The following SYN3 variants were observed in gnomAD, a reference collection of about 807,000 sequenced individuals.
The protein encoded by SYN3 is synapsin III.
In SYN3, 35 loss-of-function variants were observed where a neutral mutation model predicts 65.8. That is an observed-to-expected ratio of 0.53 (90% CI 0.41 to 0.70). The LOEUF is 0.70. SYN3 is among the 30% of genes least tolerant of loss of function. SYN3 has a pLI of 0.00. For missense variants in SYN3, 680 were observed against 749.0 expected (o/e 0.91, Z 1.08); for synonymous variants, 270 against 292.9 (o/e 0.92, Z 0.80).
chr22:32,956,062 A>ATATATAT (rs58485646), intron 3 of SYN3, among the ~76,000 whole-genome samples: 2 of 144,918 alleles, frequency 1.4e-5, no homozygotes, highest in African/African-American at 2.6e-5. Context: ...ATATATATAT[A>ATATATAT]AAATCTCCTA....
At chr22:32,959,071 G>A (rs919500478) in intron 3 of SYN3, among the ~76,000 whole-genome samples, 1 of 152,042 alleles carries the variant, frequency 6.6e-6, no homozygotes, top group African/African-American at 2.4e-5. Context: ...TGGGTTGGCT[G>A]TGTTCCCACC....
intron 6 of SYN3, among the ~76,000 whole-genome samples, chr22:32,727,214 C>T (rs918223406): frequency 6.6e-6 from 1 of 152,162 alleles, no homozygotes; most frequent in Admixed American, 6.5e-5. Flanking sequence ...ATTCTGCCCC[C>T]ACTTATACGT....
At chr22:32,539,817 C>T (rs1054763081) in intron 8 of SYN3, among the ~76,000 whole-genome samples, 5 of 148,478 alleles carry the variant, frequency 3.4e-5, no homozygotes, top group Non-Finnish European at 7.4e-5. Context: ...GACAAGGTGT[C>T]GTCAATGTCA....
intron 7 of SYN3, among the ~76,000 whole-genome samples, chr22:32,585,344 C>T (rs949203726): frequency 1.3e-5 from 2 of 152,254 alleles, no homozygotes; most frequent in African/African-American, 2.4e-5. Context: ...TTTTCCCCAG[C>T]GCCAGTCTAA....
chr22:32,751,762 A>G (rs2045134199), intron 6 of SYN3, among the ~76,000 whole-genome samples: 1 of 152,188 alleles, frequency 6.6e-6, no homozygotes, highest in Admixed American at 6.5e-5. Flanking sequence ...AGGGGCTAAA[A>G]TGCTTAAACA....
At chr22:32,786,505 G>C (rs1415100932) in intron 6 of SYN3, among the ~76,000 whole-genome samples, 1 of 151,974 alleles carries the variant, frequency 6.6e-6, no homozygotes, top group Non-Finnish European at 1.5e-5. Context: ...TGGGACTACA[G>C]GTGCCCGCCA....
rs184928149 is a variant in SYN3 at position 32,518,605 on chromosome 22, T to C, written c.1319-271A>G. The C allele has an allele frequency of 8.6e-6, 5 of 578,616 alleles. No homozygotes were observed. In the Admixed American group the frequency reaches 9.6e-5, roughly 11 times the overall value. The allele number at this position is 578,616 out of a possible 1,614,324, so 35.8% of individuals were successfully genotyped here. A position where few individuals can be genotyped will look rare whatever the true frequency, so the allele number is the denominator to read the frequency against. ...TGTTGATAACATATGCTAAATATTA[T>C]ACTGCTGAACAAAATAGCTTAGAAT... On this transcript the variant is annotated intron_variant, in intron 12 of 13. Transcript: ENST00000358763.
chr22:32,610,290 C>A (rs980084470), intron 6 of SYN3, among the ~76,000 whole-genome samples: 5 of 151,768 alleles, frequency 3.3e-5, no homozygotes, highest in Non-Finnish European at 7.4e-5. Flanking sequence ...CCCTGCCCCC[C>A]CCAAAAAAAG....
chr22:33,033,880 C>G (rs73162089), intron 1 of SYN3, among the ~76,000 whole-genome samples: 21,088 of 152,064 alleles, frequency 0.14, 1,877 homozygotes, highest in Non-Finnish European at 0.19. Flanking sequence ...GTACAATGAT[C>G]ACAATTAAAA....
intron 6 of SYN3, among the ~76,000 whole-genome samples, chr22:32,624,868 A>G (rs1355250162): frequency 6.6e-6 from 1 of 152,192 alleles, no homozygotes; most frequent in Non-Finnish European, 1.5e-5. Context: ...CGCTAATTGT[A>G]CAAGGAGACT....
intron 6 of SYN3, among the ~76,000 whole-genome samples, chr22:32,771,096 C>T (rs561274610): frequency 4.1e-4 from 63 of 152,058 alleles, no homozygotes; most frequent in African/African-American, 1.5e-3. Flanking sequence ...GTGTGATGTT[C>T]CCCTCCCTGT....
At chr22:32,835,114 G>A (rs554095624) in intron 6 of SYN3, among the ~76,000 whole-genome samples, 11 of 152,206 alleles carry the variant, frequency 7.2e-5, no homozygotes, top group Non-Finnish European at 1.3e-4. Context: ...GTCAGTTCAT[G>A]CAGCGGAATT....
chr22:33,017,176 T>C (rs1009727004), intron 1 of SYN3, among the ~76,000 whole-genome samples: 1 of 152,236 alleles, frequency 6.6e-6, no homozygotes, highest in African/African-American at 2.4e-5. Flanking sequence ...TTGTCTCCAT[T>C]GTGTGTTCTT....
At chr22:32,661,647 AGGGAACAGGATACAAGG>A (rs1371761549) in intron 6 of SYN3, among the ~76,000 whole-genome samples, 1 of 152,134 alleles carries the variant, frequency 6.6e-6, no homozygotes, top group Non-Finnish European at 1.5e-5. Context: ...TAAGATGGAG[AGGGAACAGGATACAAGG>A]GGACCTGTCG....
At chr22:32,907,020 C>T (rs2049921246) in intron 4 of SYN3, among the ~76,000 whole-genome samples, 1 of 152,188 alleles carries the variant, frequency 6.6e-6, no homozygotes, top group African/African-American at 2.4e-5. Flanking sequence ...TGGGTGTATA[C>T]TCAATAGTGG....
intron 7 of SYN3, among the ~76,000 whole-genome samples, chr22:32,572,413 T>TCCCTCCCTCCC (rs1346623977): frequency 2.4e-4 from 1 of 4,098 alleles, no homozygotes; most frequent in African/African-American, 1.1e-3. Flanking sequence ...CCTCCTGTCT[T>TCCCTCCCTCCC]TCCTTCCTTC....
chr22:32,742,790 C>A (rs2044813875), intron 6 of SYN3, among the ~76,000 whole-genome samples: 1 of 152,168 alleles, frequency 6.6e-6, no homozygotes, highest in African/African-American at 2.4e-5. Context: ...ACAACTTTCC[C>A]CATTGTGCAT....
chr22:32,843,904 C>T (rs1441605562), intron 6 of SYN3, among the ~76,000 whole-genome samples: 1 of 152,038 alleles, frequency 6.6e-6, no homozygotes, highest in Non-Finnish European at 1.5e-5. Flanking sequence ...TCTATGGGGT[C>T]TTTGGAGAGA....
At chr22:32,578,517 T>C (rs2058888733) in intron 7 of SYN3, among the ~76,000 whole-genome samples, 1 of 152,198 alleles carries the variant, frequency 6.6e-6, no homozygotes, top group Non-Finnish European at 1.5e-5. Flanking sequence ...CCCAAAGTGT[T>C]GGGATTACAG....
Sources: gnomAD v4.1 joint callset for allele counts (sites outside exome capture counted in the v4.1 genomes callset) on GRCh38, gnomAD v4.1.1 for gene constraint, MANE v1.5 for transcripts, NCBI Gene and HGNC (gene_info 2026-07-23, HGNC 2026-07-21) for gene names.